Variants in CHST12 observed in about 807,000 individuals in gnomAD.
CHST12 encodes the protein carbohydrate (chondroitin 4) sulfotransferase 12.
Under a neutral mutation model 27.9 loss-of-function variants are expected in CHST12, and 23 were observed. That is an observed-to-expected ratio of 0.82 (90% CI 0.59 to 1.17). The LOEUF (loss-of-function observed/expected upper bound fraction) is 1.17. Ranked by LOEUF, CHST12 falls within the 50% of genes most tolerant of loss-of-function variation. The pLI is 0.00. For missense variants in CHST12, 682 were observed against 603.0 expected (o/e 1.13, Z -1.37); for synonymous variants, 322 against 273.0 (o/e 1.18, Z -1.77).
At position 2,444,167 on chromosome 7, in the gene CHST12, C is replaced by T. The variant is rs942277082; in HGVS notation, c.*10283C>T. On this transcript the variant is annotated 3_prime_UTR_variant, in exon 2 of 2. Transcript: ENST00000618655. ...GGCGTAGTGGCGGGCGCCTGTAGTC[C>T]CAGCTACTTGGGAGGCTGAGGCAGG... 1.3e-5 allele frequency: 2 copies of T among 149,480 alleles called. No homozygotes were observed. The highest frequency in any genetic ancestry group is 1.5e-5 in the Non-Finnish European group (1 of 66,978). The allele number at this position is 149,480 out of a possible 1,614,324, so 9.3% of individuals were successfully genotyped here.
chr7:2,403,449 CG>C (rs1481717081), upstream of CHST12: 1 of 121,950 alleles, frequency 8.2e-6, no homozygotes, highest in African/African-American at 2.9e-5. Context: ...CTCGCGAGGG[CG>C]GGGGCGGGCG....
At position 2,430,834 on chromosome 7, in the gene CHST12, C is replaced by T. The variant is rs570003712; in HGVS notation, c.-77-1729C>T. On this transcript the variant is annotated intron_variant, in intron 1 of 1. Transcript: ENST00000618655. The stretch of plus-strand genomic sequence containing the variant: ...AACTCCTGATCTCAAATGATCCACC[C>T]GCCTTGGCCACCTGAAGTGATGGGA... Among the ~76,000 whole-genome samples the T allele has an allele frequency of 1.5e-4, 23 of 152,266 alleles. 1 individual carries two copies. Among genetic ancestry groups the T allele is most frequent in the South Asian group, 8.3e-4 (4 of 4,812 alleles).
intron 1 of CHST12, among the ~76,000 whole-genome samples, chr7:2,419,707 CA>C (rs562438536): frequency 0.067 from 6,656 of 99,838 alleles, 245 homozygotes; most frequent in African/African-American, 0.13. Flanking sequence ...AACTCCGTCT[CA>C]AAAAAAAAAA....
chr7:2,437,748 A>G lies in CHST12; in HGVS notation c.*3864A>G, dbSNP rs1184420646. Reference sequence around the variant, plus strand: ...CACACGCGCGCACACACACACACACACACACACTCTCTCTCACACACACAT... The same window carrying G: ...CACACGCGCGCACACACACACACACGCACACACTCTCTCTCACACACACAT... On this transcript the variant is annotated 3_prime_UTR_variant, in exon 2 of 2. Coordinates refer to ENST00000618655, the MANE Select transcript of CHST12 (RefSeq NM_018641.5). 2 of 152,096 alleles carry G rather than the reference A, an allele frequency of 1.3e-5. No homozygotes were observed. The highest frequency in any genetic ancestry group is 2.9e-5 in the Non-Finnish European group (2 of 68,064). The allele number at this position is 152,096 out of a possible 1,614,324, so 9.4% of individuals were successfully genotyped here. A position where few individuals can be genotyped will look rare whatever the true frequency, so the allele number is the denominator to read the frequency against.
In CHST12 at chr7:2,403,679, G is replaced by A. The variant is rs1235446870; in HGVS notation, c.-78+6G>A. The A allele has an allele frequency of 1.3e-5, 2 of 153,932 alleles. No homozygotes were observed. The highest frequency in any genetic ancestry group is 1.4e-5 in the Non-Finnish European group (1 of 69,782). The allele number at this position is 153,932 out of a possible 1,614,324, so 9.5% of individuals were successfully genotyped here. On this transcript the variant is annotated splice_donor_region_variant and intron_variant, in intron 1 of 1. Transcript: ENST00000618655. ...CGCGAGGTGAGGGTCGCGAGGTGAGGGGCGCGGCGGGCGGCGGGCTCGGGG... is the reference window on the plus strand; with the variant it reads ...CGCGAGGTGAGGGTCGCGAGGTGAGAGGCGCGGCGGGCGGCGGGCTCGGGG...
At chr7:2,430,895 C>T (rs1782255074) in intron 1 of CHST12, among the ~76,000 whole-genome samples, 1 of 152,216 alleles carries the variant, frequency 6.6e-6, no homozygotes, top group African/African-American at 2.4e-5. Context: ...GTCAAGATTT[C>T]AATTCTTTTA....
rs1782513121 is a variant in CHST12, at chr7:2,437,979, T to C, written c.*4095T>C. 1 of 152,254 alleles carries C rather than the reference T, an allele frequency of 6.6e-6. No individual in the cohort carries two copies. The highest frequency in any genetic ancestry group is 2.4e-5 in the African/African-American group (1 of 41,438). The allele number at this position is 152,254 out of a possible 1,614,324, so 9.4% of individuals were successfully genotyped here. A position where few individuals can be genotyped will look rare whatever the true frequency, so the allele number is the denominator to read the frequency against. ...GAGTGAACGCAGGGTGGCTAAGCCC[T>C]CGTCCCTGTGAGGGACAGTGACACG... is the stretch of plus-strand genomic sequence containing the variant. On this transcript the variant is annotated 3_prime_UTR_variant, in exon 2 of 2. Transcript: ENST00000618655.
At chr7:2,424,269 G>A (rs982526317) in intron 1 of CHST12, among the ~76,000 whole-genome samples, 1 of 152,184 alleles carries the variant, frequency 6.6e-6, no homozygotes, top group Non-Finnish European at 1.5e-5. Flanking sequence ...AGGAAGTTGA[G>A]GCTGCAGTGA....
intron 1 of CHST12, among the ~76,000 whole-genome samples, chr7:2,410,497 C>G (rs902789764): frequency 6.6e-6 from 1 of 152,102 alleles, no homozygotes; most frequent in East Asian, 1.9e-4. Context: ...CACAGTGAGA[C>G]ACTACTCTAA....
rs143939958 is a variant in CHST12, at chr7:2,421,355, C to G, written c.-77-11208C>G. Reference sequence around the variant, plus strand: ...CAAACTCTTGGGCTCAAGCAATCCTCTCACCTCAGCCTCCTAAGTAGCTGA... The same window carrying G: ...CAAACTCTTGGGCTCAAGCAATCCTGTCACCTCAGCCTCCTAAGTAGCTGA... On this transcript the variant is annotated intron_variant, in intron 1 of 1. Transcript: ENST00000618655. Among the ~76,000 whole-genome samples the G allele has an allele frequency of 5.1e-3, 759 of 150,106 alleles. 6 individuals carry two copies. Among genetic ancestry groups the G allele is most frequent in the African/African-American group, 0.017 (709 of 40,932 alleles).
intron 1 of CHST12, among the ~76,000 whole-genome samples, chr7:2,408,892 C>T (rs915526956): frequency 6.6e-6 from 1 of 152,140 alleles, no homozygotes; most frequent in African/African-American, 2.4e-5. Flanking sequence ...CCCAGCTGGT[C>T]AGAGGCTCCA....
At chr7:2,415,762 G>A (rs1435729469) in intron 1 of CHST12, among the ~76,000 whole-genome samples, 2 of 151,774 alleles carry the variant, frequency 1.3e-5, no homozygotes, top group African/African-American at 2.4e-5. Flanking sequence ...ACAGGCGCCC[G>A]CCACCACGCC....
In CHST12 at chr7:2,437,730, G is replaced by GCACACA. The variant is rs1182387296; in HGVS notation, c.*3847_*3848insACACAC. The GCACACA allele has an allele frequency of 1.0e-5, 1 of 96,972 alleles. No homozygotes were observed. Among genetic ancestry groups the GCACACA allele is most frequent in the African/African-American group, 3.5e-5 (1 of 28,196 alleles). The allele number at this position is 96,972 out of a possible 1,614,324, so 6.0% of individuals were successfully genotyped here. A position where few individuals can be genotyped will look rare whatever the true frequency, so the allele number is the denominator to read the frequency against. On this transcript the variant is annotated 3_prime_UTR_variant, in exon 2 of 2. Transcript: ENST00000618655. The stretch of plus-strand genomic sequence containing the variant: ...GGAATCAGAACACACACACACACGC[G>GCACACA]CGCACACACACACACACACACACAC...
At chr7:2,417,532 G>A (rs530664550) in intron 1 of CHST12, among the ~76,000 whole-genome samples, 4 of 152,038 alleles carry the variant, frequency 2.6e-5, no homozygotes, top group Admixed American at 2.6e-4. Context: ...TGGAATTACA[G>A]GCATGTGCCA....
At position 2,430,076 on chromosome 7, in the gene CHST12, C is replaced by T. The variant is rs144798728; in HGVS notation, c.-77-2487C>T. The stretch of plus-strand genomic sequence containing the variant: ...AGGATTATAGGAGAGAGCCACCGTG[C>T]CCGGCCTTTTCTGCTTTCTAATGCT... On this transcript the variant is annotated intron_variant, in intron 1 of 1. Transcript: ENST00000618655. 2.4e-3 allele frequency among the ~76,000 whole-genome samples: 371 copies of T among 152,252 alleles called. 1 individual carries two copies. The highest frequency in any genetic ancestry group is 8.3e-3 in the African/African-American group (346 of 41,540).
rs1782772569 is a variant in CHST12 at position 2,446,988 on chromosome 7, G to C, written c.*13104G>C. The C allele has an allele frequency of 6.6e-6, 1 of 152,244 alleles. No individual in the cohort carries two copies. Among genetic ancestry groups the C allele is most frequent in the Non-Finnish European group, 1.5e-5 (1 of 68,082 alleles). 9.4% of individuals were successfully genotyped at this position (152,244 alleles called of 1,614,324 possible). On this transcript the variant is annotated 3_prime_UTR_variant, in exon 2 of 2. Transcript: ENST00000618655. ...ATCCAGAAACACAGACTTTTTCTGG[G>C]GTCCTGGAGGCTTCTGGCCCATGGG...
chr7:2,408,998 G>A (rs926373881), intron 1 of CHST12, among the ~76,000 whole-genome samples: 2 of 152,196 alleles, frequency 1.3e-5, no homozygotes, highest in Non-Finnish European at 2.9e-5. Context: ...GTTGGGGCGG[G>A]ATTAGTGATA....
At position 2,443,231 on chromosome 7, in the gene CHST12, A is replaced by C. The variant is rs1782663645; in HGVS notation, c.*9347A>C. ...ATTCTTGTGCCTCAGCTTCCCGAGT[A>C]GGTGGAATTATAGGCGTGTGCCACC... On this transcript the variant is annotated 3_prime_UTR_variant, in exon 2 of 2. Coordinates refer to ENST00000618655, the MANE Select transcript of CHST12 (RefSeq NM_018641.5). 6.6e-6 allele frequency: 1 copy of C among 152,164 alleles called. No homozygotes were observed. Among genetic ancestry groups the C allele is most frequent in the Non-Finnish European group, 1.5e-5 (1 of 68,048 alleles). 9.4% of individuals were successfully genotyped at this position (152,164 alleles called of 1,614,324 possible).
chr7:2,424,978 G>A (rs142298775), intron 1 of CHST12, among the ~76,000 whole-genome samples: 2,815 of 152,202 alleles, frequency 0.018, 40 homozygotes, highest in Non-Finnish European at 0.026. Context: ...GGCCGAGGTG[G>A]GCAGATCACT....
Sources: allele counts gnomAD v4.1 joint callset (sites outside exome capture counted in the v4.1 genomes callset), GRCh38; gene constraint gnomAD v4.1.1; transcripts MANE v1.5; gene names NCBI Gene and HGNC (gene_info 2026-07-23, HGNC 2026-07-21).